The following TANGO6 variants were observed in gnomAD, a reference collection of about 807,000 sequenced individuals.
TANGO6 encodes transport and golgi organization 6 homolog.
A neutral mutation model predicts 114.2 loss-of-function variants in TANGO6; 90 were observed. The observed-to-expected ratio is 0.79, with a 90% CI of 0.66 to 0.94. TANGO6 has a LOEUF of 0.94. Ranked by LOEUF, TANGO6 falls within the 40% of genes least tolerant of loss-of-function variation. TANGO6 has a pLI of 0.00. For synonymous variants in TANGO6, 477 were observed against 509.8 expected, an observed-to-expected ratio of 0.94 and a Z score of 0.87; for missense variants, 1,274 against 1,315.3, an observed-to-expected ratio of 0.97 and a Z score of 0.49.
Position 68,919,114 on chromosome 16 carries a change from G to A in TANGO6, c.2022G>A (p.Gln674=), listed in dbSNP as rs1963052733. Residue 674 remains glutamine, a synonymous_variant, in exon 12 of 18, where the codon CAG becomes CAA. Coordinates refer to ENST00000261778, the MANE Select transcript of TANGO6 (RefSeq NM_024562.2). ...QVVDFVAATL[Q]RACASLAHQA... ...TGGACTTTGTAGCAGCAACATTGCA[G>A]AGAGCCTGTGCAAGCCTGGCCCATC... 4 of 1,613,204 alleles carry A rather than the reference G, an allele frequency of 2.5e-6. No homozygotes were observed. The highest frequency in any genetic ancestry group is 2.2e-5 in the East Asian group (1 of 44,870).
chr16:68,882,173 T>A (rs896610556), intron 7 of TANGO6, among the ~76,000 whole-genome samples: 1 of 151,966 alleles, frequency 6.6e-6, no homozygotes, highest in African/African-American at 2.4e-5. Flanking sequence ...GCAATTCCAC[T>A]ACTAGGTATA....
chr16:68,907,806 A>C (rs1597014839), intron 10 of TANGO6, among the ~76,000 whole-genome samples: 1 of 152,184 alleles, frequency 6.6e-6, no homozygotes, highest in African/African-American at 2.4e-5. Flanking sequence ...AGTAATCGGC[A>C]CTGACAGTTT....
intron 17 of TANGO6, among the ~76,000 whole-genome samples, chr16:69,072,122 C>CGTGT (rs10687062): frequency 0.18 from 20,939 of 115,846 alleles, 2,267 homozygotes; most frequent in Middle Eastern, 0.24. Flanking sequence ...AGAGGGAGAC[C>CGTGT]GTGTGTGTGT....
At chr16:68,984,970 C>CT (rs895112684) in intron 15 of TANGO6, among the ~76,000 whole-genome samples, 39 of 147,122 alleles carry the variant, frequency 2.7e-4, no homozygotes, top group South Asian at 1.1e-3. Flanking sequence ...ATATATACTG[C>CT]TTTTTTTTTT....
At chr16:68,954,109 G>A (rs1165869386) in intron 14 of TANGO6, among the ~76,000 whole-genome samples, 1 of 151,992 alleles carries the variant, frequency 6.6e-6, no homozygotes, top group East Asian at 1.9e-4. Context: ...AGTTAGCTGG[G>A]TGTGGTGGTG....
Position 69,085,064 on chromosome 16 carries a change from C to A in TANGO6, c.*1403C>A, listed in dbSNP as rs1031759800. 7 of 152,304 alleles carry A rather than the reference C, an allele frequency of 4.6e-5. No individual in the cohort carries two copies. The South Asian group carries it at 1.4e-3, about 32-fold the overall frequency. 9.4% of individuals were successfully genotyped at this position (152,304 alleles called of 1,614,324 possible). On this transcript the variant is annotated 3_prime_UTR_variant, in exon 18 of 18. Coordinates refer to ENST00000261778, the MANE Select transcript of TANGO6 (RefSeq NM_024562.2). ...TCAGCTAGTGTAGCTGGATTAATTT[C>A]TATTCTCCAAATCAAGGATGTCTAG...
At chr16:69,010,210 G>A (rs1964132160) in intron 15 of TANGO6, among the ~76,000 whole-genome samples, 1 of 152,016 alleles carries the variant, frequency 6.6e-6, no homozygotes, top group South Asian at 2.1e-4. Context: ...TGAGATTATG[G>A]TGACTTTGCA....
chr16:69,049,857 A>G (rs13329824), intron 17 of TANGO6, among the ~76,000 whole-genome samples: 1 of 152,042 alleles, frequency 6.6e-6, no homozygotes, highest in Non-Finnish European at 1.5e-5. Context: ...CTGAGATTAC[A>G]GGCATGAGCC....
intron 7 of TANGO6, among the ~76,000 whole-genome samples, chr16:68,899,902 C>T (rs1374123484): frequency 6.6e-6 from 1 of 152,106 alleles, no homozygotes; most frequent in Non-Finnish European, 1.5e-5. Context: ...CCCAGCCCTA[C>T]AGTATAATTT....
At chr16:68,956,808 G>A (rs1401960984) in intron 14 of TANGO6, among the ~76,000 whole-genome samples, 2 of 152,058 alleles carry the variant, frequency 1.3e-5, no homozygotes, top group African/African-American at 4.8e-5. Context: ...AGCCGAGATT[G>A]CGCCACTGCA....
intron 1 of TANGO6, among the ~76,000 whole-genome samples, chr16:68,848,001 A>C (rs933128031): frequency 1.4e-5 from 2 of 143,152 alleles, no homozygotes; most frequent in South Asian, 2.1e-4. Context: ...CTCCATCACA[A>C]AAAAAAAAAA....
chr16:68,870,714 T>C (rs1962253315), intron 4 of TANGO6, among the ~76,000 whole-genome samples: 1 of 152,208 alleles, frequency 6.6e-6, no homozygotes, highest in African/African-American at 2.4e-5. Flanking sequence ...TTTATTTCTT[T>C]ATGTAGATCA....
At chr16:69,001,497 ACAT>A (rs1964042735) in intron 15 of TANGO6, among the ~76,000 whole-genome samples, 1 of 152,210 alleles carries the variant, frequency 6.6e-6, no homozygotes, top group Non-Finnish European at 1.5e-5. Context: ...TTTTATATAA[ACAT>A]CACACATACA....
In TANGO6 at chr16:69,036,732, G is replaced by A. The variant is rs938261189; in HGVS notation, c.2995-3576G>A. On this transcript the variant is annotated intron_variant, in intron 16 of 17. Transcript: ENST00000261778. ...AATCCCAGCACTTTGGGAAGCCGAG[G>A]CAGGCGAATCACTTGAGTCCAGGAG... Among the ~76,000 whole-genome samples, 5 of 152,136 alleles carry A rather than the reference G, an allele frequency of 3.3e-5. No individual in the cohort carries two copies. In the East Asian group the frequency reaches 9.7e-4, roughly 29 times the overall value.
chr16:68,852,623 A>C (rs1596988074), intron 1 of TANGO6, among the ~76,000 whole-genome samples: 2 of 152,132 alleles, frequency 1.3e-5, no homozygotes, highest in African/African-American at 4.8e-5. Flanking sequence ...TGAGCCCAGG[A>C]GGTCAAGACC....
Position 68,919,254 on chromosome 16 carries a change from G to T in TANGO6, c.2127+35G>T, listed in dbSNP as rs746332389. ...AGACATGAGGCAAGCTTGAATGGAG[G>T]GAAGGGAGAAGCGAAATACCAGTTG... On this transcript the variant is annotated intron_variant, in intron 12 of 17. Coordinates refer to ENST00000261778, the MANE Select transcript of TANGO6 (RefSeq NM_024562.2). 10 of 1,604,340 alleles carry T rather than the reference G, an allele frequency of 6.2e-6. No homozygotes were observed. In the Admixed American group the frequency reaches 1.7e-4, roughly 27 times the overall value.
At chr16:69,072,070 G>GTGTGT (rs1567570612) in intron 17 of TANGO6, among the ~76,000 whole-genome samples, 4 of 84,192 alleles carry the variant, frequency 4.8e-5, no homozygotes, top group South Asian at 7.9e-4. Context: ...TGTGTGTGTA[G>GTGTGT]AGAGAGGGAG....
intron 15 of TANGO6, among the ~76,000 whole-genome samples, chr16:68,981,630 A>T (rs1010523163): frequency 6.6e-6 from 1 of 152,192 alleles, no homozygotes; most frequent in Non-Finnish European, 1.5e-5. Flanking sequence ...TACTTGGCAA[A>T]TTGAATTAAA....
intron 16 of TANGO6, among the ~76,000 whole-genome samples, chr16:69,023,752 C>T (rs958312625): frequency 6.6e-6 from 1 of 152,046 alleles, no homozygotes; most frequent in African/African-American, 2.4e-5. Flanking sequence ...AAAAAAAACG[C>T]TTAAGTTCCA....
Sources: allele counts gnomAD v4.1 joint callset (sites outside exome capture counted in the v4.1 genomes callset), GRCh38; gene constraint gnomAD v4.1.1; transcripts MANE v1.5; gene names NCBI Gene and HGNC (gene_info 2026-07-23, HGNC 2026-07-21).